Variants in ESRRG observed in about 807,000 individuals in gnomAD.
The protein encoded by ESRRG is estrogen related receptor gamma, also known as estrogen-related receptor gamma.
ESRRG carries 13 observed loss-of-function variants against 44.0 expected under a neutral mutation model. The ratio of observed to expected loss-of-function variants is 0.30; its 90% CI spans 0.19 to 0.47. The LOEUF is 0.47. ESRRG is among the 20% of genes least tolerant of loss of function. The pLI is 1.00. For synonymous variants in ESRRG, 215 were observed against 214.6 expected (o/e 1.00, Z -0.02); for missense variants, 395 against 580.6 (o/e 0.68, Z 3.29).
At chr1:216,559,765 C>A (rs112414529) in intron 5 of ESRRG, among the ~76,000 whole-genome samples, 2 of 152,210 alleles carry the variant, frequency 1.3e-5, no homozygotes, top group African/African-American at 4.8e-5. Flanking sequence ...AAAAATGAAA[C>A]CTCCATAATT....
intron 2 of ESRRG, among the ~76,000 whole-genome samples, chr1:216,788,645 A>C (rs1176891351): frequency 6.6e-6 from 1 of 152,154 alleles, no homozygotes; most frequent in Non-Finnish European, 1.5e-5. Context: ...TTCAACTTTC[A>C]GGTCATTATT....
rs183258723 is a variant in ESRRG, at chr1:216,792,557, G to A, written c.-13-115066C>T. 8.4e-4 allele frequency among the ~76,000 whole-genome samples: 128 copies of A among 152,272 alleles called. No homozygotes were observed. The East Asian group carries it at 0.017, about 20-fold the overall frequency. On this transcript the variant is annotated intron_variant, in intron 2 of 7. Transcript: ENST00000359162. ...TTTACATATTAAAAGTAAAGATGAG[G>A]CAGTGGCATTAGGAAGAATGCATAC... is the stretch of plus-strand genomic sequence containing the variant.
At chr1:216,710,959 T>G (rs2083468486) in intron 1 of ESRRG, among the ~76,000 whole-genome samples, 1 of 152,206 alleles carries the variant, frequency 6.6e-6, no homozygotes, top group African/African-American at 2.4e-5. Flanking sequence ...CAAGTTTCAG[T>G]AAACGATGCC....
intron 1 of ESRRG, among the ~76,000 whole-genome samples, chr1:217,104,844 A>G (rs769513143): frequency 2.0e-5 from 3 of 152,128 alleles, no homozygotes; most frequent in Non-Finnish European, 4.4e-5. Flanking sequence ...AATTTGATAA[A>G]CTCTATGGTT....
intron 2 of ESRRG, among the ~76,000 whole-genome samples, chr1:216,734,855 C>T (rs1355606594): frequency 6.6e-6 from 1 of 151,790 alleles, no homozygotes; most frequent in Admixed American, 6.6e-5. Flanking sequence ...CCCCCCTCTA[C>T]CCTGTAAATA....
At chr1:216,706,251 A>T (rs2082416904) in intron 1 of ESRRG, among the ~76,000 whole-genome samples, 1 of 151,202 alleles carries the variant, frequency 6.6e-6, no homozygotes, top group South Asian at 2.1e-4. Context: ...ACTCAGAAAG[A>T]CTATGGCGGG....
At chr1:217,033,466 A>G (rs1458830444) in intron 1 of ESRRG, among the ~76,000 whole-genome samples, 1 of 152,180 alleles carries the variant, frequency 6.6e-6, no homozygotes, top group Non-Finnish European at 1.5e-5. Context: ...CACGCTTTGG[A>G]GATTTTGTAA....
chr1:216,970,051 T>C (rs1365817910), intron 1 of ESRRG, among the ~76,000 whole-genome samples: 7 of 152,110 alleles, frequency 4.6e-5, no homozygotes, highest in Admixed American at 6.5e-5. Flanking sequence ...AAATTCAAAT[T>C]TCTCCCTTCC....
At chr1:217,056,404 A>T (rs1324440033) in intron 1 of ESRRG, among the ~76,000 whole-genome samples, 1 of 152,108 alleles carries the variant, frequency 6.6e-6, no homozygotes, top group Non-Finnish European at 1.5e-5. Flanking sequence ...ATAAATAGAA[A>T]CTCATGTTTA....
At chr1:216,861,614 A>G (rs2096056403) in intron 2 of ESRRG, among the ~76,000 whole-genome samples, 1 of 152,134 alleles carries the variant, frequency 6.6e-6, no homozygotes, top group Admixed American at 6.5e-5. Flanking sequence ...CATGAGAAAA[A>G]CCTTTGTAAT....
chr1:216,699,408 A>C (rs2080943593), intron 1 of ESRRG, among the ~76,000 whole-genome samples: 1 of 152,172 alleles, frequency 6.6e-6, no homozygotes, highest in African/African-American at 2.4e-5. Context: ...CAAAGGAGAC[A>C]TCATAATAAC....
chr1:216,914,522 A>C (rs2060893210), intron 2 of ESRRG, among the ~76,000 whole-genome samples: 1 of 152,192 alleles, frequency 6.6e-6, no homozygotes, highest in South Asian at 2.1e-4. Flanking sequence ...CGCTCACATA[A>C]AACATCTCAG....
intron 2 of ESRRG, among the ~76,000 whole-genome samples, chr1:216,925,858 G>C (rs907500135): frequency 1.3e-5 from 2 of 152,036 alleles, no homozygotes; most frequent in African/African-American, 4.8e-5. Flanking sequence ...GCTGAGGCAG[G>C]AGAATCACTT....
In ESRRG at chr1:216,560,647, G is replaced by A. The variant is rs2058544881; in HGVS notation, c.862+3572C>T. The stretch of plus-strand genomic sequence containing the variant: ...GCTGATAATCGTCTTATCACACCCT[G>A]TGAAACCTAGCTCTAATATTTGACA... On this transcript the variant is annotated intron_variant, in intron 5 of 6. Coordinates refer to ENST00000408911, the MANE Select transcript of ESRRG (RefSeq NM_001438.4). Among the ~76,000 whole-genome samples, 4 of 152,152 alleles carry A rather than the reference G, an allele frequency of 2.6e-5. No homozygotes were observed. In the South Asian group the frequency reaches 8.3e-4, roughly 32 times the overall value.
intron 1 of ESRRG, among the ~76,000 whole-genome samples, chr1:216,722,666 T>G (rs1178996017): frequency 6.6e-6 from 1 of 152,154 alleles, no homozygotes; most frequent in Non-Finnish European, 1.5e-5. Flanking sequence ...GATTTGTCAG[T>G]TAAGTGCTGA....
chr1:216,506,719 G>C lies in ESRRG; in HGVS notation c.*220C>G. 1.6e-6 allele frequency: 1 copy of C among 638,746 alleles called. No individual in the cohort carries two copies. Among genetic ancestry groups the C allele is most frequent in the East Asian group, 3.0e-5 (1 of 33,678 alleles). 39.6% of individuals were successfully genotyped at this position (638,746 alleles called of 1,614,324 possible). A position where few individuals can be genotyped will look rare whatever the true frequency, so the allele number is the denominator to read the frequency against. ...AAAAAATAAAGAGAAAGAGAAATGTGGGAAGAAAGAGGAAAGAAGATGATG... is the reference window on the plus strand; with the variant it reads ...AAAAAATAAAGAGAAAGAGAAATGTCGGAAGAAAGAGGAAAGAAGATGATG... On this transcript the variant is annotated 3_prime_UTR_variant, in exon 7 of 7. Transcript: ENST00000408911.
chr1:216,969,824 A>T (rs1281453919), intron 1 of ESRRG, among the ~76,000 whole-genome samples: 1 of 152,112 alleles, frequency 6.6e-6, no homozygotes, highest in Non-Finnish European at 1.5e-5. Flanking sequence ...ACCTCAGGTG[A>T]TCCGCCCACC....
intron 1 of ESRRG, among the ~76,000 whole-genome samples, chr1:217,104,438 G>A (rs1338134223): frequency 6.6e-6 from 1 of 152,184 alleles, no homozygotes; most frequent in Non-Finnish European, 1.5e-5. Context: ...TCTAGACATG[G>A]CTCTATCACT....
At chr1:216,661,145 C>A (rs1169677322) in intron 2 of ESRRG, among the ~76,000 whole-genome samples, 2 of 152,100 alleles carry the variant, frequency 1.3e-5, no homozygotes, top group Non-Finnish European at 2.9e-5. Flanking sequence ...TTGTAAAAGG[C>A]AACTGTTTTT....
Sources: allele counts gnomAD v4.1 joint callset (sites outside exome capture counted in the v4.1 genomes callset), GRCh38; gene constraint gnomAD v4.1.1; transcripts MANE v1.5; gene names NCBI Gene and HGNC (gene_info 2026-07-23, HGNC 2026-07-21).